UGT1A9: variants seen among roughly 807,000 people sequenced by gnomAD.
UGT1A9 encodes the protein UDP-glucuronosyltransferase 1A9.
UGT1A9 carries 35 observed loss-of-function variants against 45.0 expected under a neutral mutation model. The ratio of observed to expected loss-of-function variants is 0.78; its 90% CI spans 0.59 to 1.03. UGT1A9 has a LOEUF of 1.03. UGT1A9 is among the 50% of genes least tolerant of loss of function. The probability of loss-of-function intolerance (pLI) is 0.00; values close to 1 mark genes in which losing one functional copy is unlikely to be tolerated. For synonymous variants in UGT1A9, 278 were observed against 250.6 expected (o/e 1.11, Z -1.03); for missense variants, 687 against 666.6 (o/e 1.03, Z -0.34).
intron 1 of UGT1A9, among the ~76,000 whole-genome samples, chr2:233,688,311 G>A (rs552862913): frequency 3.3e-5 from 5 of 152,302 alleles, no homozygotes; most frequent in African/African-American, 1.2e-4. Context: ...CCATTCATCA[G>A]TTGGTGGACA....
At chr2:233,743,600 C>T in intron 1 of UGT1A9, 3 of 1,367,332 alleles carry the variant, frequency 2.2e-6, no homozygotes, top group Non-Finnish European at 2.9e-6. Flanking sequence ...TGGGTCCTGG[C>T]CGCCGAAGAA....
chr2:233,729,474 G>A, intron 1 of UGT1A9: 1 of 1,614,210 alleles, frequency 6.2e-7, no homozygotes. Context: ...GTATGGCAAT[G>A]TTGAACAATA....
At chr2:233,702,121 A>G (rs1297535500) in intron 1 of UGT1A9, among the ~76,000 whole-genome samples, 1 of 152,030 alleles carries the variant, frequency 6.6e-6, no homozygotes, top group Non-Finnish European at 1.5e-5. Context: ...ACCTTAGAAC[A>G]TTTTCAGTCA....
At chr2:233,737,278 C>T (rs2078858551) in intron 1 of UGT1A9, among the ~76,000 whole-genome samples, 2 of 152,234 alleles carry the variant, frequency 1.3e-5, no homozygotes, top group Admixed American at 1.3e-4. Context: ...CACCCCTCAC[C>T]CAGCCAGGCT....
chr2:233,727,761 T>C (rs1235898236), intron 1 of UGT1A9, among the ~76,000 whole-genome samples: 2 of 152,210 alleles, frequency 1.3e-5, no homozygotes, highest in South Asian at 4.1e-4. Context: ...GCCCTTGAGC[T>C]GGGTGTCCCC....
chr2:233,753,368 C>G (rs1222809761), intron 1 of UGT1A9: 1 of 152,204 alleles, frequency 6.6e-6, no homozygotes, highest in Non-Finnish European at 1.5e-5. Context: ...GGGTGCCATT[C>G]CATGCAGATT....
intron 1 of UGT1A9, chr2:233,693,129 T>C: frequency 6.2e-7 from 1 of 1,614,192 alleles, no homozygotes; most frequent in Non-Finnish European, 8.5e-7. Flanking sequence ...TGGCTTAGTA[T>C]GAAGGATATA....
chr2:233,768,064 A>G, intron 3 of UGT1A9, 128 bp downstream of exon 3: 1 of 1,598,982 alleles, frequency 6.3e-7, no homozygotes, highest in Non-Finnish European at 8.5e-7. Flanking sequence ...ATTGCTTTTT[A>G]TCTAGTGGGG....
intron 1 of UGT1A9, among the ~76,000 whole-genome samples, chr2:233,699,126 T>C (rs868039744): frequency 2.0e-5 from 3 of 152,228 alleles, no homozygotes; most frequent in Admixed American, 6.5e-5. Context: ...GTTCTACTTA[T>C]GTCAGATTCT....
At chr2:233,755,509 C>G (rs143373661) in intron 1 of UGT1A9, 6,563 of 166,164 alleles carry the variant, frequency 0.039, 278 homozygotes, top group Middle Eastern at 0.048. Flanking sequence ...GACCAGGCCC[C>G]GCCCACTCCG....
At chr2:233,729,301 G>A (rs2077833775) in intron 1 of UGT1A9, 3 of 1,614,148 alleles carry the variant, frequency 1.9e-6, no homozygotes, top group East Asian at 2.2e-5. Flanking sequence ...CCACCAGGCA[G>A]TGGTCCTCAC....
intron 1 of UGT1A9, among the ~76,000 whole-genome samples, chr2:233,687,607 A>T (rs1248545221): frequency 6.1e-5 from 9 of 147,964 alleles, no homozygotes; most frequent in East Asian, 1.9e-4. Flanking sequence ...AAAAAAAAAA[A>T]GGAAAGAAAA....
intron 1 of UGT1A9, among the ~76,000 whole-genome samples, chr2:233,723,539 T>A (rs866604181): frequency 9.1e-6 from 1 of 110,330 alleles, no homozygotes; most frequent in African/African-American, 3.8e-5. Flanking sequence ...TTTTTTTTAA[T>A]TTATTTTTTT....
At chr2:233,723,454 C>T (rs1160822962) in intron 1 of UGT1A9, among the ~76,000 whole-genome samples, 1 of 139,308 alleles carries the variant, frequency 7.2e-6, no homozygotes, top group African/African-American at 2.8e-5. Context: ...AGGTGATCCA[C>T]CCGCCTCAGC....
At chr2:233,757,535 A>AATATATATACATATACATACATATATAT (rs376887521) in intron 1 of UGT1A9, among the ~76,000 whole-genome samples, 2 of 88,312 alleles carry the variant, frequency 2.3e-5, no homozygotes, top group African/African-American at 1.0e-4. Context: ...GCCTGTAAGG[A>AATATATATACATATACATACATATATAT]ATATATATAT....
chr2:233,743,525 C>T (rs1559387146), intron 1 of UGT1A9: 1 of 1,367,234 alleles, frequency 7.3e-7, no homozygotes, highest in Non-Finnish European at 9.8e-7. Flanking sequence ...CTTCTGCTTC[C>T]CCAGCAGTTC....
rs546183589 is a variant in UGT1A9, at chr2:233,683,052, C to CA, written c.855+10270dup. On this transcript the variant is annotated intron_variant, in intron 1 of 4. Transcript: ENST00000354728. The stretch of plus-strand genomic sequence containing the variant: ...TCTAAATGCTATTTTTGGAAAAATA[C>CA]AAAAAAACCACAGTAAGAAATGAAA... Among the ~76,000 whole-genome samples the CA allele has an allele frequency of 7.1e-4, 108 of 151,792 alleles. 1 individual carries two copies. The highest frequency in any genetic ancestry group is 2.3e-3 in the African/African-American group (97 of 41,428).
chr2:233,765,890 G>A lies in UGT1A9; in HGVS notation c.856-1144G>A, dbSNP rs114846960. ...CGGGAGGGGCTCACTTTCTCAGTGC[G>A]CCACTGCTCAAACCTCTAGGGGAGC... On this transcript the variant is annotated intron_variant, in intron 1 of 4. Coordinates refer to ENST00000354728, the MANE Select transcript of UGT1A9 (RefSeq NM_021027.3). Among the ~76,000 whole-genome samples, 153 of 152,130 alleles carry A rather than the reference G, an allele frequency of 1.0e-3. 1 individual carries two copies. The highest frequency in any genetic ancestry group is 3.4e-3 in the African/African-American group (143 of 41,508).
At chr2:233,675,537 G>C (rs1000608785) in intron 1 of UGT1A9, among the ~76,000 whole-genome samples, 2 of 152,142 alleles carry the variant, frequency 1.3e-5, no homozygotes, top group Non-Finnish European at 2.9e-5. Context: ...CCCCCTTGCT[G>C]TAAGATTCTG....
Sources: gnomAD v4.1 joint callset for allele counts (sites outside exome capture counted in the v4.1 genomes callset) on GRCh38, gnomAD v4.1.1 for gene constraint, MANE v1.5 for transcripts, NCBI Gene and HGNC (gene_info 2026-07-23, HGNC 2026-07-21) for gene names.